ACVR1: variants seen among roughly 807,000 people sequenced by gnomAD.
ACVR1 encodes activin receptor type-1.
Under a neutral mutation model 57.1 loss-of-function variants are expected in ACVR1, and 38 were observed. That is an observed-to-expected ratio of 0.67 (90% CI 0.51 to 0.87). The LOEUF is 0.87. Among genes scored for constraint, ACVR1 ranks in the 40% least tolerant of loss-of-function variants. ACVR1 has a pLI of 0.00. For synonymous variants in ACVR1, 212 were observed against 228.1 expected, an observed-to-expected ratio of 0.93 and a Z score of 0.63; for missense variants, 463 against 638.2, an observed-to-expected ratio of 0.73 and a Z score of 2.96.
At position 157,876,023 on chromosome 2, in the gene ACVR1, G is replaced by A. The variant is rs1690281053; in HGVS notation, c.-410C>T. ...CGGTGCGTGGGGCCGGGAGCTTCCC[G>A]GCCCTGGGGCCGGCGCGGCTGGCCG... On this transcript the variant is annotated 5_prime_UTR_variant, in exon 1 of 11. Transcript: ENST00000434821. Among the ~76,000 whole-genome samples, 1 of 149,342 alleles carries A rather than the reference G, an allele frequency of 6.7e-6. No homozygotes were observed. Among genetic ancestry groups the A allele is most frequent in the African/African-American group, 2.4e-5 (1 of 40,888 alleles).
chr2:157,784,458 T>G (rs983363007), intron 3 of ACVR1, among the ~76,000 whole-genome samples: 2 of 152,246 alleles, frequency 1.3e-5, no homozygotes, highest in African/African-American at 4.8e-5. Flanking sequence ...CTAATTGACA[T>G]TCATTTGAAT....
intron 1 of ACVR1, among the ~76,000 whole-genome samples, chr2:157,856,042 TA>T (rs35485473): frequency 0.016 from 2,408 of 147,286 alleles, 53 homozygotes; most frequent in African/African-American, 0.049. Flanking sequence ...CCCAAAAACT[TA>T]AAAAAAAAAA....
intron 9 of ACVR1, among the ~76,000 whole-genome samples, chr2:157,751,108 A>G (rs1685175894): frequency 6.6e-6 from 1 of 152,238 alleles, no homozygotes; most frequent in Admixed American, 6.5e-5. Flanking sequence ...CCTGGGAGAC[A>G]GTCCAAATAC....
chr2:157,746,622 C>G (rs533982639), intron 9 of ACVR1, among the ~76,000 whole-genome samples: 26 of 152,372 alleles, frequency 1.7e-4, no homozygotes, highest in African/African-American at 6.3e-4. Context: ...TGGCTGGGAG[C>G]CTCGGCATCA....
At chr2:157,805,802 G>GT (rs968141904) in intron 2 of ACVR1, among the ~76,000 whole-genome samples, 13 of 131,584 alleles carry the variant, frequency 9.9e-5, no homozygotes, top group Admixed American at 2.6e-4. Flanking sequence ...GTTTGTTTGG[G>GT]TTTTTTTTTT....
intron 2 of ACVR1, among the ~76,000 whole-genome samples, chr2:157,815,870 C>A (rs1435087814): frequency 2.0e-5 from 3 of 152,182 alleles, no homozygotes; most frequent in Non-Finnish European, 2.9e-5. Context: ...TCCTTAGTGA[C>A]CAAAAGTCCA....
At chr2:157,782,420 C>CTTAATGAGCAAAAGTT (rs1686556198) in intron 3 of ACVR1, among the ~76,000 whole-genome samples, 1 of 152,200 alleles carries the variant, frequency 6.6e-6, no homozygotes, top group South Asian at 2.1e-4. Context: ...CTCAAACATT[C>CTTAATGAGCAAAAGTT]TTAATGAGCA....
At chr2:157,826,772 AAAGGAAAGGAAAGGAAAGG>A (rs1688386737) in intron 1 of ACVR1, 1 of 67,052 alleles carries the variant, frequency 1.5e-5, no homozygotes, top group African/African-American at 7.7e-5. Flanking sequence ...AAAGGAAAGG[AAAGGAAAGGAAAGGAAAGG>A]GAAAGGGAAA....
At chr2:157,766,454 T>C (rs556534659) in intron 7 of ACVR1, among the ~76,000 whole-genome samples, 2 of 152,366 alleles carry the variant, frequency 1.3e-5, no homozygotes, top group African/African-American at 4.8e-5. Context: ...TTACATTCCT[T>C]AAGTTTCAGA....
At chr2:157,765,042 T>G (rs1685810312) in intron 8 of ACVR1, among the ~76,000 whole-genome samples, 2 of 152,160 alleles carry the variant, frequency 1.3e-5, no homozygotes, top group African/African-American at 4.8e-5. Context: ...AATATAAATA[T>G]CATATAAACC....
chr2:157,794,256 T>C (rs116040581), intron 3 of ACVR1, among the ~76,000 whole-genome samples: 3,951 of 152,286 alleles, frequency 0.026, 68 homozygotes, highest in Non-Finnish European at 0.044. Flanking sequence ...AAGGGAAGGA[T>C]ATACAGGTAA....
In ACVR1 at chr2:157,738,537, T is replaced by C. The variant is rs1026045983; in HGVS notation, c.1298A>G (p.Asp433Gly). ...AAAACTTGGGTCATTGGGAACCACA[T>C]CGTAGAACGGTGGCTTGTAATCCTC... is the stretch of plus-strand genomic sequence containing the variant. ...IVEDYKPPFY[D>G]VVPNDPSFED... Residue 433 changes from aspartate to glycine, a missense_variant, in exon 10 of 11, where the codon GAT becomes GGT. By Grantham distance (94) the Asp-to-Gly change is moderately conservative. Around this residue, in one of 3 missense-constraint regions of ACVR1, gnomAD observed 146 missense variants for 186.6 expected, o/e 0.78. Coordinates refer to ENST00000434821, the MANE Select transcript of ACVR1 (RefSeq NM_001111067.4). The C allele has an allele frequency of 9.3e-6, 15 of 1,614,016 alleles. No individual in the cohort carries two copies. Among genetic ancestry groups the C allele is most frequent in the Admixed American group, 1.7e-5 (1 of 60,002 alleles).
At chr2:157,875,384 A>G (rs938645884) in intron 1 of ACVR1, among the ~76,000 whole-genome samples, 4 of 152,112 alleles carry the variant, frequency 2.6e-5, no homozygotes, top group African/African-American at 9.7e-5. Context: ...AAATTCGCCT[A>G]TCTATCTCCT....
At chr2:157,773,379 A>G (rs562373022) in intron 6 of ACVR1, among the ~76,000 whole-genome samples, 2 of 152,348 alleles carry the variant, frequency 1.3e-5, no homozygotes, top group African/African-American at 4.8e-5. Context: ...AACTCAAAAG[A>G]AAGAAGCAAT....
chr2:157,802,018 C>A (rs1476052515), intron 2 of ACVR1, among the ~76,000 whole-genome samples: 5 of 152,122 alleles, frequency 3.3e-5, no homozygotes, highest in Non-Finnish European at 7.4e-5. Flanking sequence ...AAATAATCAT[C>A]CAAGATTCCA....
intron 1 of ACVR1, among the ~76,000 whole-genome samples, chr2:157,855,274 GT>G (rs1689473700): frequency 2.9e-5 from 1 of 34,888 alleles, no homozygotes; most frequent in African/African-American, 1.5e-4. Context: ...AAAAAAGTGT[GT>G]GTGTGTGTGT....
At chr2:157,849,487 G>C (rs1462315841) in intron 1 of ACVR1, among the ~76,000 whole-genome samples, 1 of 152,158 alleles carries the variant, frequency 6.6e-6, no homozygotes, top group East Asian at 1.9e-4. Context: ...GTAGCTTACA[G>C]AAAATATCCA....
At chr2:157,764,577 C>T (rs779058898) in intron 8 of ACVR1, among the ~76,000 whole-genome samples, 3 of 152,108 alleles carry the variant, frequency 2.0e-5, no homozygotes, top group African/African-American at 4.8e-5. Context: ...CCTGGAGTTC[C>T]TCTTGGCTAA....
intron 1 of ACVR1, among the ~76,000 whole-genome samples, chr2:157,851,485 C>T (rs528084095): frequency 3.9e-5 from 6 of 152,012 alleles, no homozygotes; most frequent in African/African-American, 1.2e-4. Context: ...AGGATGGTGA[C>T]GACCAGTGGA....
Sources: allele counts gnomAD v4.1 joint callset (sites outside exome capture counted in the v4.1 genomes callset), GRCh38; gene constraint gnomAD v4.1.1; regional missense constraint gnomAD v4.1.1; transcripts MANE v1.5; gene names NCBI Gene and HGNC (gene_info 2026-07-23, HGNC 2026-07-21).